Variants in VGF observed in about 807,000 individuals in gnomAD.
The protein encoded by VGF is neurosecretory protein VGF.
Under a neutral mutation model 41.1 loss-of-function variants are expected in VGF, and 13 were observed. That is an observed-to-expected ratio of 0.32 (90% CI 0.21 to 0.50). The LOEUF (loss-of-function observed/expected upper bound fraction) is 0.50. Among genes scored for constraint, VGF ranks in the 20% least tolerant of loss-of-function variants. The pLI is 0.98. For missense variants in VGF, 920 were observed against 882.1 expected (o/e 1.04, Z -0.54); for synonymous variants, 473 against 418.3 (o/e 1.13, Z -1.60).
Position 101,164,410 on chromosome 7 carries a change from T to C in VGF, c.434A>G (p.Asn145Ser). The change falls in exon 2 of 2, where the codon AAT (asparagine) becomes AGT (serine). Residue 145 changes from asparagine (N) to serine (S), a missense_variant. Transcript: ENST00000249330. ...AAPPRPQTPE[N>S]GPEASDPSEE... ...GGAGGGATCGCTCGCCTCGGGCCCA[T>C]TCTCCGGAGTCTGAGGGCGAGGCGG... The C allele has an allele frequency of 6.2e-7, 1 of 1,610,202 alleles. No individual in the cohort carries two copies. Among genetic ancestry groups the C allele is most frequent in the Non-Finnish European group, 8.5e-7 (1 of 1,179,536 alleles).
At position 101,165,386 on chromosome 7, in the gene VGF, C is replaced by A. The variant is rs1271117132; in HGVS notation, c.-33G>T. The A allele has an allele frequency of 2.0e-6, 2 of 985,396 alleles. No homozygotes were observed. Among genetic ancestry groups the A allele is most frequent in the South Asian group, 4.7e-5 (1 of 21,280 alleles). 61.0% of individuals were successfully genotyped at this position (985,396 alleles called of 1,614,324 possible). On this transcript the variant is annotated 5_prime_UTR_variant, in exon 1 of 2. Transcript: ENST00000249330. ...GCGGAGTATTTACCAGCTGGTGTCACGACGCGAGAGGTGGAGAGGAGGGTC... is the reference window on the plus strand; with the variant it reads ...GCGGAGTATTTACCAGCTGGTGTCAAGACGCGAGAGGTGGAGAGGAGGGTC...
At chr7:101,165,841 T>G (rs977739382), upstream of VGF, among the ~76,000 whole-genome samples, 3 of 151,736 alleles carry the variant, frequency 2.0e-5, no homozygotes, top group Non-Finnish European at 4.4e-5. Context: ...CGGGGGGCTA[T>G]GAATGAATGA....
upstream of VGF, among the ~76,000 whole-genome samples, chr7:101,165,999 G>C (rs562788166): frequency 6.6e-6 from 1 of 152,340 alleles, no homozygotes; most frequent in East Asian, 1.9e-4. Context: ...ATAGAAAAAG[G>C]GTAGTCCCAG....
Position 101,163,906 on chromosome 7 carries a change from G to T in VGF, c.938C>A (p.Ala313Asp). 1 of 1,463,046 alleles carries T rather than the reference G, an allele frequency of 6.8e-7. No individual in the cohort carries two copies. Among genetic ancestry groups the T allele is most frequent in the Non-Finnish European group, 8.9e-7 (1 of 1,118,980 alleles). 90.6% of individuals were successfully genotyped at this position (1,463,046 alleles called of 1,614,324 possible). The change falls in exon 2 of 2, where the codon GCC becomes GAC. Residue 313 changes from alanine (A) to aspartate (D), a missense_variant. Around this residue, in one of 3 missense-constraint regions of VGF, gnomAD observed 654 missense variants for 638.4 expected, o/e 1.02. Transcript: ENST00000249330. The surrounding 1 kb of genome is among the most constrained non-coding windows in gnomAD (Gnocchi z 5.0). ...TTCCTGCGCCGCGGCCTGCCGCGTG[G>T]CCTCCGCCTGCCGCCGCCCGGCCTC... ...QVEAGRRQAE[A>D]TRQAAAQEER...
intron 1 of VGF, 49 bp from the exon 2 acceptor site, chr7:101,164,912 C>A: frequency 1.4e-6 from 2 of 1,469,902 alleles, no homozygotes; most frequent in Non-Finnish European, 1.8e-6. Flanking sequence ...AAGAATTCCC[C>A]TCTCTAGGTC....
chr7:101,164,205 G>C lies in VGF; in HGVS notation c.639C>G (p.Phe213Leu). The C allele has an allele frequency of 6.4e-7, 1 of 1,551,612 alleles. No homozygotes were observed. Among genetic ancestry groups the C allele is most frequent in the Non-Finnish European group, 8.7e-7 (1 of 1,152,350 alleles). ...ERVWRASWGEFQARVPERAPL... is the reference protein window; with the variant it reads ...ERVWRASWGELQARVPERAPL... ...GCGCGCGCTCCGGGACACGCGCCTG[G>C]AACTCTCCCCAGGAAGCGCGCCATA... The change falls in exon 2 of 2, where the codon TTC becomes TTG. Residue 213 changes from phenylalanine (F) to leucine (L), a missense_variant. By Grantham distance (22) the Phe-to-Leu change is conservative. Coordinates refer to ENST00000249330, the MANE Select transcript of VGF (RefSeq NM_003378.4).
In VGF at chr7:101,162,961, G is replaced by T. The variant is rs1797132946; in HGVS notation, c.*35C>A. On this transcript the variant is annotated 3_prime_UTR_variant, in exon 2 of 2. Coordinates refer to ENST00000249330, the MANE Select transcript of VGF (RefSeq NM_003378.4). This position sits in a 1 kb window ranked among gnomAD's most constrained non-coding sequence, Gnocchi z 4.2. ...AGGGGGGCGCCGGCGCGCGCGCGCGGCGGGGGCGCGCGGGGGCGGGACCGG... is the reference window on the plus strand; with the variant it reads ...AGGGGGGCGCCGGCGCGCGCGCGCGTCGGGGGCGCGCGGGGGCGGGACCGG... 4 of 1,133,004 alleles carry T rather than the reference G, an allele frequency of 3.5e-6. No homozygotes were observed. In the African/African-American group the frequency reaches 6.6e-5, roughly 19 times the overall value. The allele number at this position is 1,133,004 out of a possible 1,614,324, so 70.2% of individuals were successfully genotyped here.
Position 101,164,161 on chromosome 7 carries a change from G to A in VGF, c.683C>T (p.Pro228Leu), listed in dbSNP as rs747230984. The A allele has an allele frequency of 5.3e-6, 8 of 1,508,032 alleles. No individual in the cohort carries two copies. The highest frequency in any genetic ancestry group is 2.6e-6 in the Non-Finnish European group (3 of 1,136,492). The allele number at this position is 1,508,032 out of a possible 1,614,324, so 93.4% of individuals were successfully genotyped here. A position where few individuals can be genotyped will look rare whatever the true frequency, so the allele number is the denominator to read the frequency against. The change falls in exon 2 of 2, where the codon CCC (proline) becomes CTC (leucine). Residue 228 changes from proline (P) to leucine (L), a missense_variant. This residue lies in a region of VGF where 654 missense variants were observed against 638.4 expected (regional missense o/e 1.02). Coordinates refer to ENST00000249330, the MANE Select transcript of VGF (RefSeq NM_003378.4). Reference sequence around the variant, plus strand: ...GGGCATACGCGCCTGGAATTGAGAGGGGGCCGGGGGCGGCAGGGGCGCGCG... The same window carrying A: ...GGGCATACGCGCCTGGAATTGAGAGAGGGCCGGGGGCGGCAGGGGCGCGCG... Reference protein sequence around the residue: ...PERAPLPPPAPSQFQARMPDS... With the variant: ...PERAPLPPPALSQFQARMPDS...
Position 101,164,289 on chromosome 7 carries a change from C to T in VGF, c.555G>A (p.Thr185=). ...GGGTCAGCGTGTGCGTGCGGGTTTC[C>T]GTCTCTGCTGCCGCCGTCTCCTGCT... ...KRQQETAAAE[T]ETRTHTLTRV... The change falls in exon 2 of 2, where the codon ACG becomes ACA. Residue 185 remains threonine, a synonymous_variant. Coordinates refer to ENST00000249330, the MANE Select transcript of VGF (RefSeq NM_003378.4). The T allele has an allele frequency of 6.2e-7, 1 of 1,607,874 alleles. No homozygotes were observed. Among genetic ancestry groups the T allele is most frequent in the Non-Finnish European group, 8.5e-7 (1 of 1,179,776 alleles).
upstream of VGF, among the ~76,000 whole-genome samples, chr7:101,169,297 A>AAC (rs58218085): frequency 3.9e-3 from 592 of 150,474 alleles, 2 homozygotes; most frequent in Middle Eastern, 0.024. Context: ...TGGAGAGACT[A>AAC]ACACACACAC....
upstream of VGF, among the ~76,000 whole-genome samples, chr7:101,166,135 C>T (rs1270472653): frequency 6.6e-6 from 1 of 152,214 alleles, no homozygotes; most frequent in African/African-American, 2.4e-5. Context: ...AACCTGAGTG[C>T]AGAGGGACAG....
upstream of VGF, among the ~76,000 whole-genome samples, chr7:101,166,122 G>A (rs771839780): frequency 2.6e-5 from 4 of 152,184 alleles, no homozygotes; most frequent in Non-Finnish European, 5.9e-5. Flanking sequence ...CAAGGACGGC[G>A]TGAACCTGAG....
intron 1 of VGF, 178 bp from the exon 2 acceptor site, chr7:101,165,041 C>A: frequency 7.7e-7 from 1 of 1,301,842 alleles, no homozygotes. Context: ...ATCTCTGGAG[C>A]CGTGTAAATG....
intron 1 of VGF, 62 bp from the exon 2 acceptor site, chr7:101,164,925 C>T (rs1797194314): frequency 6.9e-7 from 1 of 1,448,074 alleles, no homozygotes; most frequent in African/African-American, 1.4e-5. Flanking sequence ...TCTAGGTCTA[C>T]GTTCCCTTCC....
rs1584210364 is a variant in VGF at position 101,163,318 on chromosome 7, G to A, written c.1526C>T (p.Pro509Leu). 7.0e-7 allele frequency: 1 copy of A among 1,427,296 alleles called. No individual in the cohort carries two copies. The highest frequency in any genetic ancestry group is 9.1e-7 in the Non-Finnish European group (1 of 1,093,278). The allele number at this position is 1,427,296 out of a possible 1,614,324, so 88.4% of individuals were successfully genotyped here. Residue 509 changes from proline (P) to leucine (L), a missense_variant, in exon 2 of 2, where the codon CCG becomes CTG. By Grantham distance (98) the Pro-to-Leu change is moderately conservative. Around this residue, in one of 3 missense-constraint regions of VGF, gnomAD observed 257 missense variants for 217.2 expected, o/e 1.18. Coordinates refer to ENST00000249330, the MANE Select transcript of VGF (RefSeq NM_003378.4). The surrounding 1 kb of genome is among the most constrained non-coding windows in gnomAD (Gnocchi z 5.0). ...APTHVRSPQP[P>L]PPAPAPARDE... ...TCGTGCGGGAGCGGGGGCGGGGGGC[G>A]GGGGCTGCGGGGAGCGGACGTGGGT...
rs1198373322 is a variant in VGF at position 101,163,110 on chromosome 7, G to T, written c.1734C>A (p.Gly578=). The change falls in exon 2 of 2, where the codon GGC becomes GGA. Residue 578 remains glycine, a synonymous_variant. Coordinates refer to ENST00000249330, the MANE Select transcript of VGF (RefSeq NM_003378.4). This position sits in a 1 kb window ranked among gnomAD's most constrained non-coding sequence, Gnocchi z 5.0. ...HALPPSRHYP[G]REAQARRAQE... The stretch of plus-strand genomic sequence containing the variant: ...GCGCGCGCCGCGCCTGGGCCTCCCG[G>T]CCGGGATAGTGGCGCGAAGGCGGCA... 3 of 1,579,418 alleles carry T rather than the reference G, an allele frequency of 1.9e-6. No individual in the cohort carries two copies. Among genetic ancestry groups the T allele is most frequent in the Non-Finnish European group, 1.7e-6 (2 of 1,166,262 alleles).
upstream of VGF, among the ~76,000 whole-genome samples, chr7:101,166,552 C>A (rs1797222565): frequency 6.7e-6 from 1 of 149,684 alleles, no homozygotes; most frequent in African/African-American, 2.5e-5. Flanking sequence ...CTCTCCACCG[C>A]TTAAAGGGAA....
rs1363901852 is a variant in VGF, at chr7:101,163,681, GCCTCGGCCGCCT to G, written c.1151_1162del (p.Glu384_Glu387del). 6.5e-7 allele frequency: 1 copy of G among 1,536,834 alleles called. No individual in the cohort carries two copies. The highest frequency in any genetic ancestry group is 8.7e-7 in the Non-Finnish European group (1 of 1,146,866). On this transcript the variant is annotated inframe_deletion, in exon 2 of 2. Transcript: ENST00000249330. This position sits in a 1 kb window ranked among gnomAD's most constrained non-coding sequence, Gnocchi z 5.0. ...CTCCGCCTCCTCCGCCTCTGCCTCC[GCCTCGGCCGCCT>G]CCTCATCCTCTTCCCCCACCCTCTC...
At chr7:101,164,908 T>A in intron 1 of VGF, 45 bp from the exon 2 acceptor site, 1 of 1,481,280 alleles carries the variant, frequency 6.8e-7, no homozygotes, top group South Asian at 1.4e-5. Context: ...CTGTAAGAAT[T>A]CCCCTCTCTA....
Sources: allele counts gnomAD v4.1 joint callset (sites outside exome capture counted in the v4.1 genomes callset), GRCh38; gene constraint gnomAD v4.1.1; regional missense constraint gnomAD v4.1.1; non-coding constraint Gnocchi (gnomAD v3.1); transcripts MANE v1.5; gene names NCBI Gene and HGNC (gene_info 2026-07-23, HGNC 2026-07-21).